Variants in RPS19BP1 observed in about 807,000 individuals in gnomAD.
The protein encoded by RPS19BP1 is active regulator of SIRT1.
Under a neutral mutation model 16.6 loss-of-function variants are expected in RPS19BP1, and 14 were observed. That is an observed-to-expected ratio of 0.84 (90% CI 0.56 to 1.32). The LOEUF (loss-of-function observed/expected upper bound fraction) is 1.32, where lower values mean the gene tolerates loss of function less well. Ranked by LOEUF, RPS19BP1 falls within the 40% of genes most tolerant of loss-of-function variation. The pLI is 0.00. For synonymous variants in RPS19BP1, 90 were observed against 77.3 expected (o/e 1.16, Z -0.86); for missense variants, 188 against 178.6 (o/e 1.05, Z -0.30).
intron 2 of RPS19BP1, 104 bp from the exon 3 acceptor site, chr22:39,530,021 A>G (rs972928185): frequency 1.2e-6 from 1 of 864,456 alleles, no homozygotes; most frequent in Non-Finnish European, 1.9e-6. Flanking sequence ...TTCCCTTCCC[A>G]GGTTATTACA....
Position 39,530,037 on chromosome 22 carries a change from T to C in RPS19BP1, c.182-120A>G, listed in dbSNP as rs537272633. 3 of 764,838 alleles carry C rather than the reference T, an allele frequency of 3.9e-6. No individual in the cohort carries two copies. The African/African-American group carries it at 5.2e-5, about 13-fold the overall frequency. The allele number at this position is 764,838 out of a possible 1,614,324, so 47.4% of individuals were successfully genotyped here. ...TCCCTTCCCAGGTTATTACAGCGGC[T>C]GGGCTCTTCTCCATCAAATGCATTC... On this transcript the variant is annotated intron_variant, in intron 2 of 3. Coordinates refer to ENST00000334678, the MANE Select transcript of RPS19BP1 (RefSeq NM_194326.4).
chr22:39,532,660 G>C, intron 1 of RPS19BP1, 27 bp downstream of exon 1: 5 of 1,564,784 alleles, frequency 3.2e-6, no homozygotes, highest in Non-Finnish European at 4.3e-6. Flanking sequence ...TGCCCGCGCC[G>C]GACGTCCCCT....
At position 39,532,394 on chromosome 22, in the gene RPS19BP1, C is replaced by G. The variant is rs1462127657; in HGVS notation, c.181+1G>C. The G allele has an allele frequency of 6.2e-7, 1 of 1,614,214 alleles. No individual in the cohort carries two copies. Among genetic ancestry groups the G allele is most frequent in the African/African-American group, 1.3e-5 (1 of 75,076 alleles). The stretch of plus-strand genomic sequence containing the variant: ...CACTTTCAGCCCCTTCCCGAACTTA[C>G]CCAGTGCCGACTTGGGCACCTTTCC... On this transcript the variant is annotated splice_donor_variant, in intron 2 of 3. Coordinates refer to ENST00000334678, the MANE Select transcript of RPS19BP1 (RefSeq NM_194326.4). LOFTEE classifies it high-confidence loss of function.
At position 39,532,390 on chromosome 22, in the gene RPS19BP1, C is replaced by T. The variant is rs1931335414; in HGVS notation, c.181+5G>A. On this transcript the variant is annotated splice_donor_5th_base_variant and intron_variant, in intron 2 of 3. Coordinates refer to ENST00000334678, the MANE Select transcript of RPS19BP1 (RefSeq NM_194326.4). ...GCAGCACTTTCAGCCCCTTCCCGAA[C>T]TTACCCAGTGCCGACTTGGGCACCT... The T allele has an allele frequency of 6.2e-7, 1 of 1,614,222 alleles. No individual in the cohort carries two copies. Among genetic ancestry groups the T allele is most frequent in the African/African-American group, 1.3e-5 (1 of 75,072 alleles).
Position 39,529,923 on chromosome 22 carries a change from G to C in RPS19BP1, c.182-6C>G. 1.2e-6 allele frequency: 2 copies of C among 1,612,252 alleles called. No homozygotes were observed. The highest frequency in any genetic ancestry group is 4.5e-5 in the East Asian group (2 of 44,864). On this transcript the variant is annotated splice_region_variant and splice_polypyrimidine_tract_variant and intron_variant, in intron 2 of 3. Transcript: ENST00000334678. Reference sequence around the variant, plus strand: ...CTCTCGCTTCCGGTACTCGTCTGTGGGTAGCAGGCAGGGAGCACCATTTCA... The same window carrying C: ...CTCTCGCTTCCGGTACTCGTCTGTGCGTAGCAGGCAGGGAGCACCATTTCA...
At position 39,529,576 on chromosome 22, in the gene RPS19BP1, G is replaced by C. The variant is rs1931249738; in HGVS notation, c.327C>G (p.Ala109=). The change falls in exon 4 of 4, where the codon GCC becomes GCG. Residue 109 remains alanine (A), a synonymous_variant. Coordinates refer to ENST00000334678, the MANE Select transcript of RPS19BP1 (RefSeq NM_194326.4). ...CCTCAGCCTTCTTCTTCTTGGTCTT[G>C]GCCACAGGCCGGTCACAGGCCTTGC... ...RGRKACDRPV[A]KTKKKKAEGT... is the part of the protein sequence containing the mutation. 7.4e-6 allele frequency: 12 copies of C among 1,614,196 alleles called. No individual in the cohort carries two copies. The highest frequency in any genetic ancestry group is 1.0e-5 in the Non-Finnish European group (12 of 1,180,026).
chr22:39,532,451 A>C lies in RPS19BP1; in HGVS notation c.125T>G (p.Ile42Ser). The C allele has an allele frequency of 6.2e-7, 1 of 1,614,190 alleles. No homozygotes were observed. Residue 42 changes from isoleucine (I) to serine (S), a missense_variant, in exon 2 of 4, where the codon ATT becomes AGT. Transcript: ENST00000334678. ...PVKRPRKTKA[I>S]QAQKLRNSAK... ...CGAGTTCCGCAGTTTCTGGGCCTGA[A>C]TTGCCTTCGTCTTCCGGGGCCGTTT...
At position 39,529,352 on chromosome 22, in the gene RPS19BP1, G is replaced by C. The variant is rs1601766763; in HGVS notation, c.*140C>G. The stretch of plus-strand genomic sequence containing the variant: ...ACCAGCTCCATTCCAGCCTCCACTC[G>C]GCTCAGCTCCGCGGCTTCCTCGAGC... On this transcript the variant is annotated 3_prime_UTR_variant, in exon 4 of 4. Coordinates refer to ENST00000334678, the MANE Select transcript of RPS19BP1 (RefSeq NM_194326.4). The C allele has an allele frequency of 8.6e-7, 1 of 1,163,454 alleles. No homozygotes were observed. The highest frequency in any genetic ancestry group is 1.4e-5 in the South Asian group (1 of 70,976). The allele number at this position is 1,163,454 out of a possible 1,614,324, so 72.1% of individuals were successfully genotyped here. A position where few individuals can be genotyped will look rare whatever the true frequency, so the allele number is the denominator to read the frequency against.
chr22:39,531,558 A>G (rs1931310152), intron 2 of RPS19BP1: 1 of 152,100 alleles, frequency 6.6e-6, no homozygotes, highest in South Asian at 2.1e-4. Flanking sequence ...ATTCACCACT[A>G]AAACCCCTCT....
In RPS19BP1 at chr22:39,529,502, A is replaced by G; in HGVS notation, c.401T>C (p.Phe134Ser). Residue 134 changes from phenylalanine (F) to serine (S), a missense_variant, in exon 4 of 4, where the codon TTC becomes TCC. Phe to Ser is a radical substitution (Grantham distance 155). Transcript: ENST00000334678. The stretch of plus-strand genomic sequence containing the variant: ...TGCCCTCCAGGGAGCCTAGCTGCCG[A>G]AGTATTCCTGCTGGAACTTCTGGAA... The part of the protein sequence containing the change: ...EDFQKFQQEY[F>S]GS 2 of 1,614,158 alleles carry G rather than the reference A, an allele frequency of 1.2e-6. No individual in the cohort carries two copies. Among genetic ancestry groups the G allele is most frequent in the Non-Finnish European group, 1.7e-6 (2 of 1,180,014 alleles).
At chr22:39,532,165 G>A (rs1032863731) in intron 2 of RPS19BP1, 5 of 555,174 alleles carry the variant, frequency 9.0e-6, no homozygotes, top group Admixed American at 3.4e-5. Flanking sequence ...ATGACACACT[G>A]GGTTTGATAT....
Position 39,529,550 on chromosome 22 carries a change from C to T in RPS19BP1, c.353G>A (p.Gly118Asp), listed in dbSNP as rs772387323. Residue 118 changes from glycine (G) to aspartate (D), a missense_variant, in exon 4 of 4, where the codon GGC becomes GAC. Physicochemically the swap from Gly to Asp is moderately conservative, Grantham distance 94. Transcript: ENST00000334678. ...GAAGTCTTCCTCGGTGAACACGGTG[C>T]CCTCAGCCTTCTTCTTCTTGGTCTT... ...VAKTKKKKAE[G>D]TVFTEEDFQK... 2 of 1,614,210 alleles carry T rather than the reference C, an allele frequency of 1.2e-6. No homozygotes were observed. The highest frequency in any genetic ancestry group is 1.7e-6 in the Non-Finnish European group (2 of 1,180,012).
chr22:39,531,498 A>G (rs1931308811), intron 2 of RPS19BP1: 2 of 152,214 alleles, frequency 1.3e-5, no homozygotes, highest in Admixed American at 1.3e-4. Flanking sequence ...CTTTATGTCT[A>G]TTAAGTGACA....
In RPS19BP1 at chr22:39,529,184, C is replaced by A; in HGVS notation, c.*308G>T. ...CAAGGGCTCAGGAATTAGCCTTGCTCCACAGCAAACAGCCCAGAGGCCCCA... is the reference window on the plus strand; with the variant it reads ...CAAGGGCTCAGGAATTAGCCTTGCTACACAGCAAACAGCCCAGAGGCCCCA... On this transcript the variant is annotated 3_prime_UTR_variant, in exon 4 of 4. Coordinates refer to ENST00000334678, the MANE Select transcript of RPS19BP1 (RefSeq NM_194326.4). 2.6e-6 allele frequency: 1 copy of A among 391,108 alleles called. No homozygotes were observed. Among genetic ancestry groups the A allele is most frequent in the Non-Finnish European group, 4.7e-6 (1 of 211,630 alleles). 24.2% of individuals were successfully genotyped at this position (391,108 alleles called of 1,614,324 possible). A position where few individuals can be genotyped will look rare whatever the true frequency, so the allele number is the denominator to read the frequency against.
intron 1 of RPS19BP1, 39 bp from the exon 2 acceptor site, chr22:39,532,562 G>C (rs1931345251): frequency 6.2e-7 from 1 of 1,612,030 alleles, no homozygotes; most frequent in Non-Finnish European, 8.5e-7. Context: ...AGGTCAGAGG[G>C]CGCGCAGCGT....
At chr22:39,532,581 C>T in intron 1 of RPS19BP1, 58 bp from the exon 2 acceptor site, 1 of 1,611,006 alleles carries the variant, frequency 6.2e-7, no homozygotes. Flanking sequence ...GTTCCCATGC[C>T]ACTGGGGCTA....
At chr22:39,529,740 G>T in intron 3 of RPS19BP1, 80 bp downstream of exon 3, 1 of 1,596,394 alleles carries the variant, frequency 6.3e-7, no homozygotes, top group Non-Finnish European at 8.6e-7. Flanking sequence ...TATGCTCAGG[G>T]CTGAGACCGC....
rs1308010481 is a variant in RPS19BP1 at position 39,529,170 on chromosome 22, G to A, written c.*322C>T. The stretch of plus-strand genomic sequence containing the variant: ...GGAGCTGTCGTCCCCAAGGGCTCAG[G>A]AATTAGCCTTGCTCCACAGCAAACA... On this transcript the variant is annotated 3_prime_UTR_variant, in exon 4 of 4. Transcript: ENST00000334678. 2 of 356,726 alleles carry A rather than the reference G, an allele frequency of 5.6e-6. No individual in the cohort carries two copies. The highest frequency in any genetic ancestry group is 9.1e-5 in the Admixed American group (2 of 22,060). The allele number at this position is 356,726 out of a possible 1,614,324, so 22.1% of individuals were successfully genotyped here. A position where few individuals can be genotyped will look rare whatever the true frequency, so the allele number is the denominator to read the frequency against.
rs1931256846 is a variant in RPS19BP1 at position 39,529,802 on chromosome 22, A to G, written c.279+18T>C. Reference sequence around the variant, plus strand: ...GCTCTCACCTCCCAGGTCCCTTCCTATAGTACCCTCGACCAACCTGCTGGC... The same window carrying G: ...GCTCTCACCTCCCAGGTCCCTTCCTGTAGTACCCTCGACCAACCTGCTGGC... On this transcript the variant is annotated intron_variant, in intron 3 of 3. Transcript: ENST00000334678. 2 of 1,612,298 alleles carry G rather than the reference A, an allele frequency of 1.2e-6. No individual in the cohort carries two copies. Among genetic ancestry groups the G allele is most frequent in the Non-Finnish European group, 1.7e-6 (2 of 1,178,464 alleles).
Sources: gnomAD v4.1 joint callset for allele counts on GRCh38, gnomAD v4.1.1 for gene constraint, MANE v1.5 for transcripts, NCBI Gene and HGNC (gene_info 2026-07-23, HGNC 2026-07-21) for gene names.